The following PCDH11X variants were observed in gnomAD, a reference collection of about 807,000 sequenced individuals.
PCDH11X encodes the protein protocadherin 11 X-linked.
In PCDH11X, 18 loss-of-function variants were observed where a neutral mutation model predicts 53.3. The ratio of observed to expected loss-of-function variants is 0.34; its 90% CI spans 0.23 to 0.50. PCDH11X has a LOEUF of 0.50. PCDH11X is among the 20% of genes least tolerant of loss of function. The pLI is 0.98. For missense variants in PCDH11X, 570 were observed against 1,032.4 expected, an observed-to-expected ratio of 0.55 and a Z score of 6.14; for synonymous variants, 279 against 393.3, an observed-to-expected ratio of 0.71 and a Z score of 3.44.
rs755676160 is a variant in PCDH11X, at chrX:91,999,827, C to T, written c.3033+120554C>T. On this transcript the variant is annotated intron_variant, in intron 6 of 10. Transcript: ENST00000682573. ...TTCATTGTTTCTTCTTTATCCCTACCAAACTGTATGTCCTTGGATTAAGGC... is the reference window on the plus strand; with the variant it reads ...TTCATTGTTTCTTCTTTATCCCTACTAAACTGTATGTCCTTGGATTAAGGC... 2.8e-4 allele frequency among the ~76,000 whole-genome samples: 31 copies of T among 111,084 alleles called. 1 individual carries two copies. Among genetic ancestry groups the T allele is most frequent in the Admixed American group, 2.6e-3 (27 of 10,319 alleles).
chrX:92,459,008 G>T (rs773566183), intron 9 of PCDH11X, among the ~76,000 whole-genome samples: 1 of 110,842 alleles, frequency 9.0e-6, no homozygotes, highest in South Asian at 3.8e-4. Context: ...GCGTAGGAGC[G>T]TTCCCTTTTA....
At chrX:91,839,281 G>A (rs1937418134) in intron 5 of PCDH11X, among the ~76,000 whole-genome samples, 1 of 109,053 alleles carries the variant, frequency 9.2e-6, no homozygotes. Flanking sequence ...TTCAGAGCAG[G>A]ATCACTGCAA....
chrX:92,519,418 T>G (rs909216088), intron 10 of PCDH11X, among the ~76,000 whole-genome samples: 1 of 108,438 alleles, frequency 9.2e-6, no homozygotes, highest in Non-Finnish European at 1.9e-5. Flanking sequence ...TTTTTATTTT[T>G]ACTTTATGAT....
In PCDH11X at chrX:92,262,697, C is replaced by T. The variant is rs754629901; in HGVS notation, c.3115-417C>T. 6.3e-5 allele frequency among the ~76,000 whole-genome samples: 7 copies of T among 111,148 alleles called. No homozygotes were observed. In the East Asian group the frequency reaches 2.0e-3, roughly 32 times the overall value. On this transcript the variant is annotated intron_variant, in intron 7 of 10. Transcript: ENST00000682573. ...AATTTTCAATGAGCCTAGTTTTTCT[C>T]ATTTCAATTAAAAAATGTGTTTATG...
intron 8 of PCDH11X, among the ~76,000 whole-genome samples, chrX:92,297,681 G>T (rs965924076): frequency 8.9e-6 from 1 of 111,820 alleles, no homozygotes; most frequent in African/African-American, 3.3e-5. Context: ...ATTCTGTGAG[G>T]AATGTCTTTG....
At chrX:91,944,062 T>TGTGTG (rs1338001937) in intron 6 of PCDH11X, among the ~76,000 whole-genome samples, 13 of 84,755 alleles carry the variant, frequency 1.5e-4, no homozygotes, top group East Asian at 5.1e-4. Flanking sequence ...TGTGTGTGTG[T>TGTGTG]TCGCTTGCTC....
chrX:92,278,689 G>C (rs902354267), intron 8 of PCDH11X, among the ~76,000 whole-genome samples: 35 of 110,617 alleles, frequency 3.2e-4, no homozygotes, highest in African/African-American at 1.1e-3. Flanking sequence ...GCGGGGCAGG[G>C]CCTTTTCACT....
At chrX:92,414,923 T>A (rs2071774964) in intron 9 of PCDH11X, among the ~76,000 whole-genome samples, 1 of 110,459 alleles carries the variant, frequency 9.1e-6, no homozygotes, top group Non-Finnish European at 1.9e-5. Flanking sequence ...AAAATTTCAT[T>A]TTCAGAAGGT....
intron 10 of PCDH11X, among the ~76,000 whole-genome samples, chrX:92,600,502 T>A (rs1445942693): frequency 2.7e-5 from 3 of 111,039 alleles, no homozygotes; most frequent in Non-Finnish European, 5.7e-5. Context: ...GGCCTGTGGG[T>A]GCACAGAAGT....
chrX:92,615,614 G>A (rs5985011), intron 10 of PCDH11X, among the ~76,000 whole-genome samples: 13,797 of 109,886 alleles, frequency 0.13, 1,903 homozygotes, highest in African/African-American at 0.4. Flanking sequence ...TCCAATCTCT[G>A]GCCTGAGATT....
intron 10 of PCDH11X, among the ~76,000 whole-genome samples, chrX:92,496,763 G>A (rs1488717887): frequency 9.5e-6 from 1 of 105,397 alleles, no homozygotes; most frequent in Non-Finnish European, 1.9e-5. Flanking sequence ...TTATACCGCA[G>A]GTATGCTAAG....
At chrX:92,141,954 A>G (rs1359034981) in intron 6 of PCDH11X, among the ~76,000 whole-genome samples, 1 of 111,103 alleles carries the variant, frequency 9.0e-6, no homozygotes, top group African/African-American at 3.3e-5. Flanking sequence ...ATATTGTTTC[A>G]TATATGTTAT....
chrX:92,238,648 T>C (rs1015104167), intron 7 of PCDH11X, among the ~76,000 whole-genome samples: 6 of 111,941 alleles, frequency 5.4e-5, no homozygotes, highest in African/African-American at 1.9e-4. Context: ...GTTGCTGTTG[T>C]CTGTGCATAC....
intron 6 of PCDH11X, among the ~76,000 whole-genome samples, chrX:92,180,597 C>A (rs2148290714): frequency 9.0e-6 from 1 of 111,173 alleles, no homozygotes; most frequent in Admixed American, 9.6e-5. Flanking sequence ...TTGGCTGTGT[C>A]CTCAGCCAAA....
intron 6 of PCDH11X, among the ~76,000 whole-genome samples, chrX:92,155,617 C>CTTTTTTT (rs775178966): frequency 6.3e-5 from 5 of 79,756 alleles, no homozygotes; most frequent in Admixed American, 3.1e-4. Context: ...ACTTCAATAG[C>CTTTTTTT]TTTTTTTTTT....
intron 6 of PCDH11X, among the ~76,000 whole-genome samples, chrX:92,177,530 A>G (rs1248736602): frequency 8.9e-6 from 1 of 111,934 alleles, no homozygotes; most frequent in Non-Finnish European, 1.9e-5. Context: ...TTACAATTGC[A>G]TGATGGGGCG....
At chrX:92,080,132 G>A (rs1002632752) in intron 6 of PCDH11X, among the ~76,000 whole-genome samples, 6 of 110,882 alleles carry the variant, frequency 5.4e-5, no homozygotes, top group African/African-American at 2.0e-4. Flanking sequence ...AGATATAACA[G>A]GACCAAGATT....
intron 7 of PCDH11X, among the ~76,000 whole-genome samples, chrX:92,254,752 A>T (rs1485071241): frequency 2.8e-5 from 3 of 108,697 alleles, no homozygotes; most frequent in Non-Finnish European, 3.8e-5. Context: ...TTTCTTTAAG[A>T]ATGTTGAATA....
At chrX:91,830,533 C>T (rs1338345775) in intron 4 of PCDH11X, among the ~76,000 whole-genome samples, 1 of 110,433 alleles carries the variant, frequency 9.1e-6, no homozygotes, top group Non-Finnish European at 1.9e-5. Flanking sequence ...CTAGGTTTAT[C>T]GGTTGCTCCA....
Sources: allele counts gnomAD v4.1 joint callset (sites outside exome capture counted in the v4.1 genomes callset), GRCh38; gene constraint gnomAD v4.1.1; transcripts MANE v1.5; gene names NCBI Gene and HGNC (gene_info 2026-07-23, HGNC 2026-07-21).